Variants in SV2B observed in about 807,000 individuals in gnomAD.
The protein encoded by SV2B is synaptic vesicle glycoprotein 2B, also known as solute carrier family 22 member B2.
Under a neutral mutation model 73.9 loss-of-function variants are expected in SV2B, and 41 were observed. The observed-to-expected ratio is 0.56, with a 90% confidence interval of 0.43 to 0.72. SV2B has a LOEUF of 0.72. SV2B is among the 30% of genes least tolerant of loss of function. SV2B has a pLI of 0.00. For synonymous variants in SV2B, 314 were observed against 314.2 expected (o/e 1.00, Z 0.01); for missense variants, 764 against 857.8 (o/e 0.89, Z 1.37).
rs1488903148 is a variant in SV2B, at chr15:91,220,212, A to C, written c.-391-5661A>C. Among the ~76,000 whole-genome samples the C allele has an allele frequency of 6.6e-6, 1 of 152,224 alleles. No individual in the cohort carries two copies. ...AACTAGCTTCCAAAGGCTATTTTACATGCCCACTGTCAGTTTCTGAGGGTT... is the reference window on the plus strand; with the variant it reads ...AACTAGCTTCCAAAGGCTATTTTACCTGCCCACTGTCAGTTTCTGAGGGTT... On this transcript the variant is annotated intron_variant, in intron 1 of 12. Transcript: ENST00000394232. The surrounding 1 kb of genome is among the most constrained non-coding windows in gnomAD (Gnocchi z 4.1).
intron 1 of SV2B, among the ~76,000 whole-genome samples, chr15:91,176,697 A>G (rs1851682324): frequency 1.3e-5 from 2 of 151,616 alleles, no homozygotes; most frequent in South Asian, 2.1e-4. Flanking sequence ...TTCTTTTGAG[A>G]AGTGTCTGTT....
Position 91,252,301 on chromosome 15 carries a change from T to C in SV2B, c.633-68T>C. On this transcript the variant is annotated intron_variant, in intron 3 of 12. Transcript: ENST00000394232. The surrounding 1 kb of genome is among the most constrained non-coding windows in gnomAD (Gnocchi z 4.6). ...GAGCCTAAGGTGGGGTATAGGCAACTTGGTTTCTGCTGTGACCATTTTTAG... is the reference window on the plus strand; with the variant it reads ...GAGCCTAAGGTGGGGTATAGGCAACCTGGTTTCTGCTGTGACCATTTTTAG... 6.5e-7 allele frequency: 1 copy of C among 1,544,450 alleles called. No individual in the cohort carries two copies. The highest frequency in any genetic ancestry group is 1.3e-5 in the South Asian group (1 of 79,566).
rs2047907583 is a variant in SV2B at position 91,261,481 on chromosome 15, C to T, written c.1008+1072C>T. Among the ~76,000 whole-genome samples, 1 of 152,132 alleles carries T rather than the reference C, an allele frequency of 6.6e-6. No individual in the cohort carries two copies. Among genetic ancestry groups the T allele is most frequent in the Admixed American group, 6.5e-5 (1 of 15,274 alleles). On this transcript the variant is annotated intron_variant, in intron 6 of 12. Coordinates refer to ENST00000394232, the MANE Select transcript of SV2B (RefSeq NM_001323032.3). The surrounding 1 kb of genome is among the most constrained non-coding windows in gnomAD (Gnocchi z 4.7). ...TTAGAAGCTTGTTTATCCAGTTTTA[C>T]TACCTTGTTCCTGTAAATATTAGTG...
intron 2 of SV2B, among the ~76,000 whole-genome samples, chr15:91,246,714 C>T (rs916277105): frequency 1.4e-5 from 1 of 70,376 alleles, no homozygotes; most frequent in South Asian, 3.5e-4. Context: ...CTCCTTTCAA[C>T]CTCCTCCTCC....
intron 6 of SV2B, among the ~76,000 whole-genome samples, chr15:91,260,968 G>C (rs576108678): frequency 4.6e-5 from 7 of 152,152 alleles, no homozygotes; most frequent in Non-Finnish European, 7.3e-5. Flanking sequence ...GGGAATTATG[G>C]GAGTACAGTT....
At chr15:91,169,435 C>T (rs1047452396) in intron 1 of SV2B, among the ~76,000 whole-genome samples, 2 of 151,226 alleles carry the variant, frequency 1.3e-5, no homozygotes, top group African/African-American at 4.9e-5. Flanking sequence ...ATCCCCCACC[C>T]CCACCCTGTT....
intron 6 of SV2B, among the ~76,000 whole-genome samples, chr15:91,263,243 CAG>C (rs1212385843): frequency 7.0e-6 from 1 of 142,642 alleles, no homozygotes; most frequent in Admixed American, 6.7e-5. Context: ...CAGAGACAAA[CAG>C]ACACAGGAAC....
chr15:91,175,475 C>T (rs747695678), intron 1 of SV2B, among the ~76,000 whole-genome samples: 10 of 151,952 alleles, frequency 6.6e-5, no homozygotes, highest in Admixed American at 2.6e-4. Flanking sequence ...AGGATGGTCT[C>T]GATCTCCTGA....
At position 91,197,037 on chromosome 15, in the gene SV2B, G is replaced by A. The variant is rs528047795; in HGVS notation, c.-391-28836G>A. On this transcript the variant is annotated intron_variant, in intron 1 of 12. Transcript: ENST00000394232. The surrounding 1 kb of genome is among the most constrained non-coding windows in gnomAD (Gnocchi z 4.9). ...GGGGATTTTGCTCCTCTGTTGCTCC[G>A]CCTGCCGGCTGTGGCAGCCTTTAGC... Among the ~76,000 whole-genome samples, 35 of 152,300 alleles carry A rather than the reference G, an allele frequency of 2.3e-4. 1 individual carries two copies. Among genetic ancestry groups the A allele is most frequent in the African/African-American group, 7.7e-4 (32 of 41,554 alleles).
rs956388749 is a variant in SV2B, at chr15:91,265,327, C to A, written c.1009-1255C>A. Reference sequence around the variant, plus strand: ...AAGCATTCGGCTGAGAACCCACGATCTGCAGGGCTGGGGGAACACAGGCCA... The same window carrying A: ...AAGCATTCGGCTGAGAACCCACGATATGCAGGGCTGGGGGAACACAGGCCA... On this transcript the variant is annotated intron_variant, in intron 6 of 12. Coordinates refer to ENST00000394232, the MANE Select transcript of SV2B (RefSeq NM_001323032.3). The surrounding 1 kb of genome is among the most constrained non-coding windows in gnomAD (Gnocchi z 4.2). Among the ~76,000 whole-genome samples, 2 of 152,192 alleles carry A rather than the reference C, an allele frequency of 1.3e-5. No homozygotes were observed. Among genetic ancestry groups the A allele is most frequent in the Non-Finnish European group, 2.9e-5 (2 of 68,042 alleles).
chr15:91,163,708 A>T (rs112299524), intron 1 of SV2B, among the ~76,000 whole-genome samples: 110,482 of 152,078 alleles, frequency 0.73, 40,695 homozygotes, highest in African/African-American at 0.83. Context: ...TCCCATTCTG[A>T]AGGTTGCCTG....
chr15:91,287,928 G>C (rs1010047696), intron 11 of SV2B, among the ~76,000 whole-genome samples: 1 of 152,212 alleles, frequency 6.6e-6, no homozygotes, highest in Non-Finnish European at 1.5e-5. Flanking sequence ...CGTGGAGCAA[G>C]AGCTACCTGG....
chr15:91,155,122 C>T (rs2043443659), intron 1 of SV2B, among the ~76,000 whole-genome samples: 1 of 152,162 alleles, frequency 6.6e-6, no homozygotes, highest in Non-Finnish European at 1.5e-5. Context: ...GGACAACTCT[C>T]CTTCCAGCTC....
chr15:91,104,283 G>C (rs73503147), intron 1 of SV2B, among the ~76,000 whole-genome samples: 5,562 of 152,268 alleles, frequency 0.037, 338 homozygotes, highest in African/African-American at 0.12. Context: ...AGGGCTGGCT[G>C]CTTTAGGATG....
At chr15:91,147,694 A>T (rs574531170) in intron 1 of SV2B, among the ~76,000 whole-genome samples, 1 of 152,280 alleles carries the variant, frequency 6.6e-6, no homozygotes, top group East Asian at 1.9e-4. Context: ...CGTCTGCTGG[A>T]TATCAAACAT....
rs1555473938 is a variant in SV2B, at chr15:91,158,752, C to CTT, written c.-392+58389_-392+58390insTT. ...TCTTCTCCTCTTTTTTCTCTCTCTG[C>CTT]CTCACTGTCTCTCTCTCTTGCTCCC... On this transcript the variant is annotated intron_variant, in intron 1 of 12. Transcript: ENST00000394232. Among the ~76,000 whole-genome samples the CTT allele has an allele frequency of 3.5e-5, 2 of 57,488 alleles. 1 individual carries two copies. The highest frequency in any genetic ancestry group is 7.0e-5 in the Non-Finnish European group (2 of 28,650). 37.7% of individuals were successfully genotyped at this position (57,488 alleles called of 152,430 possible). A position where few individuals can be genotyped will look rare whatever the true frequency, so the allele number is the denominator to read the frequency against.
chr15:91,282,010 C>A, intron 10 of SV2B, 149 bp downstream of exon 10: 1 of 988,194 alleles, frequency 1.0e-6, no homozygotes, highest in Non-Finnish European at 1.4e-6. Flanking sequence ...GGATTTTAGC[C>A]CCAGGCATGG....
intron 1 of SV2B, among the ~76,000 whole-genome samples, chr15:91,216,922 CT>C (rs1160381983): frequency 1.5e-5 from 2 of 134,184 alleles, no homozygotes; most frequent in African/African-American, 2.9e-5. Flanking sequence ...GAGCCTTGCT[CT>C]GTTGCCCAGG....
At chr15:91,116,888 G>T (rs548539114) in intron 1 of SV2B, among the ~76,000 whole-genome samples, 30 of 152,336 alleles carry the variant, frequency 2.0e-4, no homozygotes, top group African/African-American at 7.2e-4. Flanking sequence ...GAGACCATGT[G>T]CAGGGGAACT....
Sources: gnomAD v4.1 joint callset for allele counts (sites outside exome capture counted in the v4.1 genomes callset) on GRCh38, gnomAD v4.1.1 for gene constraint, Gnocchi (gnomAD v3.1) non-coding constraint, MANE v1.5 for transcripts, NCBI Gene and HGNC (gene_info 2026-07-23, HGNC 2026-07-21) for gene names.